Variants in CAMK1G observed in about 807,000 individuals in gnomAD.
CAMK1G encodes the protein calcium/calmodulin-dependent protein kinase type 1G.
A neutral mutation model predicts 54.8 loss-of-function variants in CAMK1G; 27 were observed. The observed-to-expected ratio is 0.49, with a 90% CI of 0.36 to 0.68. The LOEUF (loss-of-function observed/expected upper bound fraction) is 0.68. CAMK1G is among the 30% of genes least tolerant of loss of function. The probability of loss-of-function intolerance (pLI) is 0.00; values close to 1 mark genes in which losing one functional copy is unlikely to be tolerated. For synonymous variants in CAMK1G, 238 were observed against 224.9 expected (o/e 1.06, Z -0.52); for missense variants, 512 against 591.0 (o/e 0.87, Z 1.39).
intron 10 of CAMK1G, 107 bp downstream of exon 10, chr1:209,611,659 G>A (rs1447905672): frequency 6.8e-7 from 1 of 1,467,932 alleles, no homozygotes; most frequent in Non-Finnish European, 9.4e-7. Flanking sequence ...GAAGGCATTG[G>A]AGCTCCGTGT....
chr1:209,603,227 A>C lies in CAMK1G; in HGVS notation c.235A>C (p.Asn79His). ...IAVLKKIKHENIVTLEDIYES... is the reference protein window; with the variant it reads ...IAVLKKIKHEHIVTLEDIYES... Reference sequence around the variant, plus strand: ...TATTTTTCCCAGGATCAAGCATGAAAACATTGTGACCCTGGAGGACATCTA... The same window carrying C: ...TATTTTTCCCAGGATCAAGCATGAACACATTGTGACCCTGGAGGACATCTA... Residue 79 changes from asparagine to histidine, a missense_variant, in exon 4 of 13, where the codon AAC (asparagine) becomes CAC (histidine). Asn to His is a moderately conservative substitution (Grantham distance 68). This residue lies in a region of CAMK1G where 186 missense variants were observed against 231.5 expected (regional missense o/e 0.80). Coordinates refer to ENST00000361322, the MANE Select transcript of CAMK1G (RefSeq NM_020439.3). 1 of 1,614,148 alleles carries C rather than the reference A, an allele frequency of 6.2e-7. No homozygotes were observed. Among genetic ancestry groups the C allele is most frequent in the Non-Finnish European group, 8.5e-7 (1 of 1,179,992 alleles).
Position 209,587,484 on chromosome 1 carries a change from T to C in CAMK1G, c.-30+3712T>C, listed in dbSNP as rs895492986. On this transcript the variant is annotated intron_variant, in intron 1 of 12. Transcript: ENST00000361322. ...AAACAGCATGTGTCTTTAATGGTCC[T>C]CAGAGCCTTTAATAAGCTAATGTGG... Among the ~76,000 whole-genome samples the C allele has an allele frequency of 2.6e-5, 4 of 152,226 alleles. No individual in the cohort carries two copies. In the East Asian group the frequency reaches 7.7e-4, roughly 29 times the overall value.
chr1:209,592,208 G>A (rs997219127), intron 1 of CAMK1G, among the ~76,000 whole-genome samples: 8 of 151,910 alleles, frequency 5.3e-5, no homozygotes, highest in South Asian at 2.1e-4. Context: ...TTTGGCAGGC[G>A]TGTTGATGCA....
At chr1:209,595,114 C>T (rs749422648) in intron 2 of CAMK1G, 39 bp downstream of exon 2, 4 of 1,441,994 alleles carry the variant, frequency 2.8e-6, no homozygotes, top group Non-Finnish European at 3.9e-6. Flanking sequence ...GGCTGGGCTG[C>T]CTGCAGTGGG....
At chr1:209,593,381 T>A (rs1419638590) in intron 1 of CAMK1G, among the ~76,000 whole-genome samples, 1 of 152,152 alleles carries the variant, frequency 6.6e-6, no homozygotes, top group Non-Finnish European at 1.5e-5. Context: ...CTCCATCAGG[T>A]TCAAGGAGTA....
At chr1:209,588,092 T>C (rs1472252262) in intron 1 of CAMK1G, among the ~76,000 whole-genome samples, 3 of 152,198 alleles carry the variant, frequency 2.0e-5, no homozygotes, top group Non-Finnish European at 4.4e-5. Flanking sequence ...GCCTGCTCAC[T>C]ATGCCCCAGA....
rs371472205 is a variant in CAMK1G, at chr1:209,613,120, C to A, written c.*118C>A. 2.6e-4 allele frequency: 109 copies of A among 415,274 alleles called. No homozygotes were observed. In the East Asian group the frequency reaches 4.6e-3, roughly 18 times the overall value. 25.7% of individuals were successfully genotyped at this position (415,274 alleles called of 1,614,324 possible). Reference sequence around the variant, plus strand: ...GGAAGGCAGAGCAAGTGGAGCAGGGCTTAGCAGGAGCAGTTTCTGGCCAGA... The same window carrying A: ...GGAAGGCAGAGCAAGTGGAGCAGGGATTAGCAGGAGCAGTTTCTGGCCAGA... On this transcript the variant is annotated 3_prime_UTR_variant, in exon 13 of 13. Coordinates refer to ENST00000361322, the MANE Select transcript of CAMK1G (RefSeq NM_020439.3).
In CAMK1G at chr1:209,607,851, G is replaced by T. The variant is rs1435592668; in HGVS notation, c.560-7G>T. On this transcript the variant is annotated splice_polypyrimidine_tract_variant and splice_region_variant and intron_variant, in intron 6 of 12. Transcript: ENST00000361322. ...CCAGCCCTGACTCTGCCCTTGGTCT[G>T]CTGCAGCTCCAGAAGTGCTGGCCCA... 13 of 1,611,654 alleles carry T rather than the reference G, an allele frequency of 8.1e-6. No homozygotes were observed. Among genetic ancestry groups the T allele is most frequent in the Non-Finnish European group, 1.1e-5 (13 of 1,178,832 alleles).
intron 5 of CAMK1G, 65 bp from the exon 6 acceptor site, chr1:209,606,255 C>A: frequency 6.3e-7 from 1 of 1,580,566 alleles, no homozygotes. Context: ...AATTTTGTAT[C>A]AAGGGGAAGG....
intron 1 of CAMK1G, among the ~76,000 whole-genome samples, chr1:209,584,857 C>T (rs543538400): frequency 3.3e-5 from 5 of 152,316 alleles, no homozygotes; most frequent in African/African-American, 1.2e-4. Context: ...TGAGACCCAC[C>T]TCTGAAACAG....
At chr1:209,588,963 C>T (rs937165118) in intron 1 of CAMK1G, among the ~76,000 whole-genome samples, 31 of 152,186 alleles carry the variant, frequency 2.0e-4, no homozygotes, top group Non-Finnish European at 8.8e-5. Context: ...TCTGTAGCCT[C>T]CTCCACAGCT....
chr1:209,599,850 A>T, intron 2 of CAMK1G, 133 bp from the exon 3 acceptor site: 1 of 1,048,634 alleles, frequency 9.5e-7, no homozygotes, highest in Non-Finnish European at 1.3e-6. Context: ...TTTCTTCCAG[A>T]TTTAAATTCA....
intron 10 of CAMK1G, 57 bp from the exon 11 acceptor site, chr1:209,611,735 A>G: frequency 6.3e-7 from 1 of 1,576,978 alleles, no homozygotes; most frequent in Non-Finnish European, 8.6e-7. Context: ...GGAAAGTTTA[A>G]GCTCCAAGGC....
At chr1:209,596,735 G>A (rs573963496) in intron 2 of CAMK1G, among the ~76,000 whole-genome samples, 1 of 151,024 alleles carries the variant, frequency 6.6e-6, no homozygotes, top group African/African-American at 2.4e-5. Flanking sequence ...TAAATAAGTT[G>A]CAAACATGAT....
chr1:209,592,709 T>C (rs1665287567), intron 1 of CAMK1G, among the ~76,000 whole-genome samples: 1 of 152,204 alleles, frequency 6.6e-6, no homozygotes, highest in Admixed American at 6.5e-5. Flanking sequence ...AACTACACCA[T>C]CTGTCTCCCC....
In CAMK1G at chr1:209,611,929, T is replaced by C. The variant is rs1478281439; in HGVS notation, c.1053T>C (p.Pro351=). ...CAGAAACCTCTAGACCCAGCTCCCC[T>C]GAGATCACCATCACCGAGGCACCTG... ...QASETSRPSS[P]EITITEAPVL... Residue 351 remains proline (P), a synonymous_variant, in exon 11 of 13, where the codon CCT becomes CCC. Transcript: ENST00000361322. The C allele has an allele frequency of 5.6e-6, 9 of 1,614,000 alleles. No individual in the cohort carries two copies. The highest frequency in any genetic ancestry group is 7.6e-6 in the Non-Finnish European group (9 of 1,179,942).
intron 4 of CAMK1G, among the ~76,000 whole-genome samples, chr1:209,603,836 C>T (rs184635086): frequency 1.5e-3 from 230 of 152,312 alleles, no homozygotes; most frequent in African/African-American, 5.1e-3. Context: ...AAAACAGAGT[C>T]ACCCAAAGTT....
chr1:209,608,891 GTAT>G, intron 7 of CAMK1G, 86 bp from the exon 8 acceptor site: 6 of 1,556,462 alleles, frequency 3.9e-6, no homozygotes, highest in Non-Finnish European at 5.2e-6. Flanking sequence ...GCCCACCTGT[GTAT>G]ACAGTGGGAG....
At chr1:209,593,266 C>T (rs895570926) in intron 1 of CAMK1G, among the ~76,000 whole-genome samples, 2 of 152,114 alleles carry the variant, frequency 1.3e-5, no homozygotes, top group African/African-American at 4.8e-5. Flanking sequence ...TGTTCAAAGG[C>T]TATTATTAAT....
Sources: allele counts gnomAD v4.1 joint callset (sites outside exome capture counted in the v4.1 genomes callset), GRCh38; gene constraint gnomAD v4.1.1; regional missense constraint gnomAD v4.1.1; transcripts MANE v1.5; gene names NCBI Gene and HGNC (gene_info 2026-07-23, HGNC 2026-07-21).